The following FAF1 variants were observed in gnomAD, a reference collection of about 807,000 sequenced individuals.
FAF1 encodes the protein Fas associated factor 1.
In FAF1, 25 loss-of-function variants were observed where a neutral mutation model predicts 92.5. The observed-to-expected ratio is 0.27, with a 90% CI of 0.20 to 0.38. The LOEUF (loss-of-function observed/expected upper bound fraction) is 0.38, where lower values mean the gene tolerates loss of function less well. Ranked by LOEUF, FAF1 falls within the 10% of genes least tolerant of loss-of-function variation. FAF1 has a pLI of 1.00. For synonymous variants in FAF1, 234 were observed against 273.2 expected (o/e 0.86, Z 1.42); for missense variants, 636 against 793.3 (o/e 0.80, Z 2.38).
chr1:50,774,228 A>G (rs1169767860), intron 4 of FAF1, among the ~76,000 whole-genome samples: 1 of 152,190 alleles, frequency 6.6e-6, no homozygotes, highest in African/African-American at 2.4e-5. Context: ...TGCTGATAGC[A>G]TCTTTCAAGA....
chr1:50,758,622 A>G (rs1355224818), intron 4 of FAF1, among the ~76,000 whole-genome samples: 4 of 152,200 alleles, frequency 2.6e-5, no homozygotes, highest in Non-Finnish European at 5.9e-5. Context: ...ATTTCTCTGT[A>G]TTAACTTAAT....
chr1:50,787,543 T>G (rs1661406050), intron 4 of FAF1, among the ~76,000 whole-genome samples: 1 of 152,238 alleles, frequency 6.6e-6, no homozygotes, highest in Non-Finnish European at 1.5e-5. Context: ...TCAAACCTTC[T>G]AAGCCTTAAT....
intron 6 of FAF1, among the ~76,000 whole-genome samples, chr1:50,726,239 G>C (rs1019394287): frequency 6.6e-6 from 1 of 152,044 alleles, no homozygotes; most frequent in Admixed American, 6.5e-5. Context: ...CTGGGTGACA[G>C]AGCAAGACTC....
chr1:50,506,358 G>A (rs142660488), intron 15 of FAF1, among the ~76,000 whole-genome samples: 9 of 152,178 alleles, frequency 5.9e-5, no homozygotes, highest in Admixed American at 5.9e-4. Context: ...ACCCAAACAA[G>A]CCCTCTCACA....
At chr1:50,640,385 C>A (rs1654268052) in intron 8 of FAF1, among the ~76,000 whole-genome samples, 1 of 151,404 alleles carries the variant, frequency 6.6e-6, no homozygotes, top group African/African-American at 2.4e-5. Flanking sequence ...CTCCGCCTCC[C>A]AGGTTCACGC....
intron 7 of FAF1, among the ~76,000 whole-genome samples, chr1:50,660,768 A>G (rs999274224): frequency 6.6e-6 from 1 of 152,148 alleles, no homozygotes; most frequent in African/African-American, 2.4e-5. Flanking sequence ...CTGGAATTAC[A>G]GGCGAGCTAC....
chr1:50,576,360 A>T (rs556662045), intron 12 of FAF1, among the ~76,000 whole-genome samples: 1 of 152,334 alleles, frequency 6.6e-6, no homozygotes. Flanking sequence ...TAATATTTGG[A>T]AAAAGCACTG....
rs114937664 is a variant in FAF1, at chr1:50,445,388, T to C, written c.1870-3865A>G. Among the ~76,000 whole-genome samples the C allele has an allele frequency of 2.2e-3, 334 of 152,264 alleles. 1 individual carries two copies. The highest frequency in any genetic ancestry group is 7.6e-3 in the African/African-American group (315 of 41,546). On this transcript the variant is annotated intron_variant, in intron 18 of 18. Coordinates refer to ENST00000396153, the MANE Select transcript of FAF1 (RefSeq NM_007051.3). ...TAACTTGCCCAAGGTCTCAGAGCTA[T>C]TAAGGGCAGAGCCAGGCTGTGAATC...
At chr1:50,858,628 ATT>A (rs780117521) in intron 1 of FAF1, among the ~76,000 whole-genome samples, 8 of 151,886 alleles carry the variant, frequency 5.3e-5, no homozygotes, top group Admixed American at 2.6e-4. Flanking sequence ...TGAAATGGAA[ATT>A]TTTGACATAC....
intron 12 of FAF1, among the ~76,000 whole-genome samples, chr1:50,574,126 A>C (rs1650597019): frequency 6.6e-6 from 1 of 152,230 alleles, no homozygotes; most frequent in Admixed American, 6.5e-5. Context: ...ACTCTGTCTA[A>C]AAAAAGAAAA....
At chr1:50,856,544 A>G (rs1303427862) in intron 2 of FAF1, among the ~76,000 whole-genome samples, 4 of 151,822 alleles carry the variant, frequency 2.6e-5, no homozygotes. Flanking sequence ...AAGATAAGGA[A>G]GCATTGGTTT....
At chr1:50,446,952 C>A (rs183642175) in intron 18 of FAF1, among the ~76,000 whole-genome samples, 12 of 151,928 alleles carry the variant, frequency 7.9e-5, no homozygotes, top group Non-Finnish European at 1.5e-4. Flanking sequence ...AGAGGCAGAA[C>A]CAGAACCCAG....
At chr1:50,790,923 G>A (rs932664534) in intron 3 of FAF1, among the ~76,000 whole-genome samples, 2 of 152,136 alleles carry the variant, frequency 1.3e-5, no homozygotes, top group Admixed American at 1.3e-4. Flanking sequence ...ATCAGTATGT[G>A]TCACTTAACA....
At chr1:50,785,515 G>T (rs1468428172) in intron 4 of FAF1, among the ~76,000 whole-genome samples, 1 of 151,594 alleles carries the variant, frequency 6.6e-6, no homozygotes, top group Non-Finnish European at 1.5e-5. Context: ...ATGGCCAACA[G>T]GTATATGAAA....
At chr1:50,708,791 T>C (rs1657796853) in intron 6 of FAF1, among the ~76,000 whole-genome samples, 1 of 151,982 alleles carries the variant, frequency 6.6e-6, no homozygotes. Context: ...GAAAGTCTAG[T>C]ATAAGGGAGC....
intron 6 of FAF1, among the ~76,000 whole-genome samples, chr1:50,717,609 A>C (rs145005087): frequency 3.1e-4 from 47 of 152,330 alleles, no homozygotes; most frequent in African/African-American, 1.1e-3. Context: ...CAGGCTTCTA[A>C]TGTACAAATC....
At chr1:50,724,146 C>G (rs111938598) in intron 6 of FAF1, among the ~76,000 whole-genome samples, 6 of 150,622 alleles carry the variant, frequency 4.0e-5, no homozygotes, top group African/African-American at 1.5e-4. Flanking sequence ...GGCAGGAGGA[C>G]GACTGCTTGA....
intron 4 of FAF1, among the ~76,000 whole-genome samples, chr1:50,766,794 A>G (rs1660589919): frequency 1.3e-5 from 2 of 149,482 alleles, no homozygotes; most frequent in East Asian, 1.9e-4. Context: ...AAGCAAGCAA[A>G]AAAAAAAAAA....
At chr1:50,448,279 G>A (rs1646252547) in intron 18 of FAF1, among the ~76,000 whole-genome samples, 1 of 152,156 alleles carries the variant, frequency 6.6e-6, no homozygotes, top group Non-Finnish European at 1.5e-5. Context: ...TGTGATCCCA[G>A]GGAGGGATAC....
Sources: gnomAD v4.1 joint callset for allele counts (sites outside exome capture counted in the v4.1 genomes callset) on GRCh38, gnomAD v4.1.1 for gene constraint, MANE v1.5 for transcripts, NCBI Gene and HGNC (gene_info 2026-07-23, HGNC 2026-07-21) for gene names.